CTNNA3: variants seen among roughly 807,000 people sequenced by gnomAD.
CTNNA3 encodes the protein catenin alpha 3.
A neutral mutation model predicts 95.7 loss-of-function variants in CTNNA3; 76 were observed. That is an observed-to-expected ratio of 0.79 (90% CI 0.66 to 0.96). The LOEUF is 0.96. Among genes scored for constraint, CTNNA3 ranks in the 40% least tolerant of loss-of-function variants. The probability of loss-of-function intolerance (pLI) is 0.00; values close to 1 mark genes in which losing one functional copy is unlikely to be tolerated. For synonymous variants in CTNNA3, 431 were observed against 374.4 expected (o/e 1.15, Z -1.74); for missense variants, 1,191 against 1,089.8 (o/e 1.09, Z -1.31).
intron 7 of CTNNA3, among the ~76,000 whole-genome samples, chr10:67,171,977 AG>A (rs1564940872): frequency 6.6e-6 from 1 of 152,146 alleles, no homozygotes; most frequent in East Asian, 1.9e-4. Context: ...GCCAGTACTT[AG>A]TCTCATATCC....
At chr10:66,212,664 G>A (rs2088244783) in intron 13 of CTNNA3, among the ~76,000 whole-genome samples, 2 of 152,110 alleles carry the variant, frequency 1.3e-5, no homozygotes, top group South Asian at 4.1e-4. Context: ...TCATTTCAGT[G>A]TAGCTTTCTT....
At chr10:66,366,711 A>G (rs908504757) in intron 12 of CTNNA3, among the ~76,000 whole-genome samples, 4 of 152,280 alleles carry the variant, frequency 2.6e-5, no homozygotes, top group Middle Eastern at 3.4e-3. Flanking sequence ...ATTTTGTTAT[A>G]GCAGCCTGGA....
At position 67,414,645 on chromosome 10, in the gene CTNNA3, G is replaced by A. The variant is rs1030577283; in HGVS notation, c.579+107197C>T. The stretch of plus-strand genomic sequence containing the variant: ...GATACAACAACAACAACAAACTTCA[G>A]ACTAATATCCCTCATAAACACAGAT... On this transcript the variant is annotated intron_variant, in intron 5 of 17. Coordinates refer to ENST00000433211, the MANE Select transcript of CTNNA3 (RefSeq NM_013266.4). Among the ~76,000 whole-genome samples, 4 of 152,122 alleles carry A rather than the reference G, an allele frequency of 2.6e-5. No individual in the cohort carries two copies. In the East Asian group the frequency reaches 7.7e-4, roughly 29 times the overall value.
chr10:66,001,130 AAT>A (rs1348478975), intron 15 of CTNNA3, among the ~76,000 whole-genome samples: 1 of 151,780 alleles, frequency 6.6e-6, no homozygotes, highest in African/African-American at 2.4e-5. Flanking sequence ...TAAAATAAAA[AAT>A]ATATATATAT....
intron 9 of CTNNA3, among the ~76,000 whole-genome samples, chr10:66,707,208 T>C (rs917076518): frequency 6.6e-6 from 1 of 152,002 alleles, no homozygotes; most frequent in African/African-American, 2.4e-5. Flanking sequence ...AAACTTCAGT[T>C]AGAAAAATTT....
intron 7 of CTNNA3, among the ~76,000 whole-genome samples, chr10:67,069,151 C>T (rs1856279062): frequency 6.6e-6 from 1 of 151,886 alleles, no homozygotes; most frequent in African/African-American, 2.4e-5. Flanking sequence ...GGGAGGTAAA[C>T]TGGCAACAGT....
At chr10:67,001,118 T>A (rs1315077675) in intron 7 of CTNNA3, among the ~76,000 whole-genome samples, 2 of 151,368 alleles carry the variant, frequency 1.3e-5, no homozygotes, top group Non-Finnish European at 2.9e-5. Flanking sequence ...CTGGCCAACA[T>A]GATGAAACCC....
intron 7 of CTNNA3, among the ~76,000 whole-genome samples, chr10:66,870,976 A>G (rs1428343471): frequency 6.6e-6 from 1 of 152,198 alleles, no homozygotes; most frequent in Non-Finnish European, 1.5e-5. Flanking sequence ...TGTGGACTGA[A>G]GGCAGAAGCT....
At chr10:66,541,434 T>C (rs1841847146) in intron 10 of CTNNA3, among the ~76,000 whole-genome samples, 1 of 152,122 alleles carries the variant, frequency 6.6e-6, no homozygotes, top group Non-Finnish European at 1.5e-5. Context: ...TAGCCTTCCA[T>C]TGCTTCCCTT....
chr10:67,328,224 G>C (rs965096791), intron 5 of CTNNA3, among the ~76,000 whole-genome samples: 1 of 152,198 alleles, frequency 6.6e-6, no homozygotes, highest in Non-Finnish European at 1.5e-5. Context: ...CATGGCTGTA[G>C]GGGCCATCCT....
chr10:67,116,428 C>A (rs929650132), intron 7 of CTNNA3, among the ~76,000 whole-genome samples: 2 of 151,800 alleles, frequency 1.3e-5, no homozygotes. Context: ...TCTAGTAATG[C>A]CTCCCTTGGG....
At chr10:67,677,637 CA>C (rs1207438517) in intron 1 of CTNNA3, among the ~76,000 whole-genome samples, 2 of 152,068 alleles carry the variant, frequency 1.3e-5, no homozygotes, top group East Asian at 3.9e-4. Flanking sequence ...TTCAGGTAGC[CA>C]GGGGTGTTTC....
chr10:67,194,344 T>G (rs976077987), intron 6 of CTNNA3, among the ~76,000 whole-genome samples: 2 of 152,032 alleles, frequency 1.3e-5, no homozygotes, highest in African/African-American at 4.8e-5. Flanking sequence ...ATGGATAAAC[T>G]GTGGTACATC....
chr10:66,955,523 T>G (rs1589486329), intron 7 of CTNNA3, among the ~76,000 whole-genome samples: 1 of 152,154 alleles, frequency 6.6e-6, no homozygotes, highest in East Asian at 1.9e-4. Context: ...CACTTATCTG[T>G]TTGGCTCCAA....
At chr10:65,968,075 ATTAAAAATTGTGTGTATT>A (rs2078017528) in intron 16 of CTNNA3, among the ~76,000 whole-genome samples, 1 of 152,208 alleles carries the variant, frequency 6.6e-6, no homozygotes. Context: ...ATCAAATTCT[ATTAAAAATTGTGTGTATT>A]TAAAACATGC....
intron 7 of CTNNA3, among the ~76,000 whole-genome samples, chr10:66,969,370 C>T (rs529453906): frequency 2.0e-5 from 3 of 152,098 alleles, no homozygotes; most frequent in Non-Finnish European, 2.9e-5. Context: ...GGCCTCATAT[C>T]GTTCCATAAA....
intron 3 of CTNNA3, among the ~76,000 whole-genome samples, chr10:67,580,539 G>C (rs565061658): frequency 2.0e-5 from 3 of 151,220 alleles, no homozygotes; most frequent in African/African-American, 7.4e-5. Flanking sequence ...TTGGCGATGC[G>C]GGCTCTTTTT....
At chr10:67,481,663 G>A (rs1346021822) in intron 5 of CTNNA3, among the ~76,000 whole-genome samples, 3 of 152,200 alleles carry the variant, frequency 2.0e-5, no homozygotes, top group Non-Finnish European at 4.4e-5. Flanking sequence ...TTTGTCAGAT[G>A]AGTAGGTTGT....
At chr10:66,348,650 A>G (rs2092543448) in intron 12 of CTNNA3, among the ~76,000 whole-genome samples, 1 of 152,102 alleles carries the variant, frequency 6.6e-6, no homozygotes, top group Non-Finnish European at 1.5e-5. Flanking sequence ...ACAAAAAGAG[A>G]CATACATTTT....
Sources: allele counts gnomAD v4.1 joint callset (sites outside exome capture counted in the v4.1 genomes callset), GRCh38; gene constraint gnomAD v4.1.1; transcripts MANE v1.5; gene names NCBI Gene and HGNC (gene_info 2026-07-23, HGNC 2026-07-21).